ABCA2: variants seen among roughly 807,000 people sequenced by gnomAD.
ABCA2 encodes ATP-binding cassette sub-family A member 2.
ABCA2 carries 84 observed loss-of-function variants against 262.8 expected under a neutral mutation model. That is an observed-to-expected ratio of 0.32 (90% CI 0.27 to 0.38). The LOEUF is 0.38. Ranked by LOEUF, ABCA2 falls within the 10% of genes least tolerant of loss-of-function variation. The probability of loss-of-function intolerance (pLI) is 1.00; values close to 1 mark genes in which losing one functional copy is unlikely to be tolerated. For missense variants in ABCA2, 2,662 were observed against 3,405.9 expected (o/e 0.78, Z 5.44); for synonymous variants, 1,696 against 1,502.9 (o/e 1.13, Z -2.97).
upstream of ABCA2, chr9:137,028,620 G>A (rs139587169): frequency 4.4e-5 from 48 of 1,086,352 alleles, 1 homozygote; most frequent in African/African-American, 5.4e-4. The surrounding 1 kb of genome is among the most constrained non-coding windows in gnomAD (Gnocchi z 6.9). Flanking sequence ...CTGTCCCCGG[G>A]GCGCGCCGAG....
intron 28 of ABCA2, 43 bp downstream of exon 28, chr9:137,013,789 G>A (rs946229015): frequency 1.9e-6 from 3 of 1,557,080 alleles, no homozygotes; most frequent in South Asian, 1.2e-5. Context: ...AGCGGGCGGT[G>A]GGGGGAGGCA....
Position 137,018,207 on chromosome 9 carries a change from T to C in ABCA2, c.1964A>G (p.Tyr655Cys). Residue 655 changes from tyrosine (Y) to cysteine (C), a missense_variant, in exon 14 of 49, where the codon TAC (tyrosine) becomes TGC (cysteine). Physicochemically the swap from Tyr to Cys is radical, Grantham distance 194 (BLOSUM62 -2). This residue lies in a region of ABCA2 where 187 missense variants were observed against 205.9 expected (regional missense o/e 0.91). Coordinates refer to ENST00000341511, the MANE Select transcript of ABCA2 (RefSeq NM_001606.5). ...RPGPNTGGRFYFLYGFVWIQD... is the reference protein window; with the variant it reads ...RPGPNTGGRFCFLYGFVWIQD... ...GATCCAGACGAAGCCGTAGAGGAAG[T>C]AGAAGCGGCCGCCAGTATTGGGCCC... 1 of 1,610,640 alleles carries C rather than the reference T, an allele frequency of 6.2e-7. No individual in the cohort carries two copies. Among genetic ancestry groups the C allele is most frequent in the South Asian group, 1.1e-5 (1 of 91,004 alleles).
intron 2 of ABCA2, 104 bp from the exon 3 acceptor site, chr9:137,023,944 A>G (rs1454738095): frequency 3.5e-6 from 5 of 1,411,280 alleles, no homozygotes; most frequent in African/African-American, 1.4e-5. Context: ...AGGCGTTGGC[A>G]TCATCATTCG....
rs781096136 is a variant in ABCA2, at chr9:137,014,148, C to T, written c.4240+20G>A. Reference sequence around the variant, plus strand: ...TGCTCCCCCTCCCTTGCTGTCCCAGCCTCACCCTGCCACCCCCACCTTGCA... The same window carrying T: ...TGCTCCCCCTCCCTTGCTGTCCCAGTCTCACCCTGCCACCCCCACCTTGCA... On this transcript the variant is annotated intron_variant, in intron 27 of 48. Coordinates refer to ENST00000341511, the MANE Select transcript of ABCA2 (RefSeq NM_001606.5). 7 of 1,601,568 alleles carry T rather than the reference C, an allele frequency of 4.4e-6. No homozygotes were observed. Among genetic ancestry groups the T allele is most frequent in the Admixed American group, 1.7e-5 (1 of 58,844 alleles).
At position 137,010,104 on chromosome 9, in the gene ABCA2, T is replaced by C; in HGVS notation, c.6374A>G (p.Gln2125Arg). The part of the protein sequence containing the change: ...NGHSVLKELL[Q>R]VQQSLGYCPQ... ...GCAGTAGCCGAGGCTCTGCTGCACCTGGAGCAGCTCCTTCAGCACGCTGGG... is the reference window on the plus strand; with the variant it reads ...GCAGTAGCCGAGGCTCTGCTGCACCCGGAGCAGCTCCTTCAGCACGCTGGG... Residue 2125 changes from glutamine to arginine, a missense_variant, in exon 42 of 49, where the codon CAG (glutamine) becomes CGG (arginine). This residue lies in a region of ABCA2 where 602 missense variants were observed against 897.4 expected (regional missense o/e 0.67). Coordinates refer to ENST00000341511, the MANE Select transcript of ABCA2 (RefSeq NM_001606.5). 1 of 1,596,554 alleles carries C rather than the reference T, an allele frequency of 6.3e-7. No homozygotes were observed. The highest frequency in any genetic ancestry group is 8.5e-7 in the Non-Finnish European group (1 of 1,176,718).
rs758432677 is a variant in ABCA2, at chr9:137,016,890, C to T, written c.2758+30G>A. ...CAACCCTGGCTGGGGACCCCTGCCT[C>T]TCCCCTGCCCTCCAAGGGCTGGCCA... On this transcript the variant is annotated intron_variant, in intron 19 of 48. Transcript: ENST00000341511. 3 of 1,604,800 alleles carry T rather than the reference C, an allele frequency of 1.9e-6. No individual in the cohort carries two copies. In the African/African-American group the frequency reaches 4.0e-5, roughly 21 times the overall value.
At position 137,020,962 on chromosome 9, in the gene ABCA2, C is replaced by A. The variant is rs1372281227; in HGVS notation, c.997G>T (p.Val333Phe). 1.3e-5 allele frequency: 21 copies of A among 1,556,830 alleles called. No individual in the cohort carries two copies. The highest frequency in any genetic ancestry group is 1.1e-4 in the African/African-American group (8 of 73,764). Residue 333 changes from valine (V) to phenylalanine (F), a missense_variant, in exon 9 of 49, where the codon GTT becomes TTT. By Grantham distance (50) the Val-to-Phe change is conservative (BLOSUM62 -1). Transcript: ENST00000341511. ...LLGDLLDAQK[V>F]LQDVDVLSAL... is the part of the protein sequence containing the mutation. ...GACAGGACATCCACATCCTGCAGAA[C>A]CTTCTGGGCATCCAGCAGGTCCCCC...
rs1406500365 is a variant in ABCA2 at position 137,021,943 on chromosome 9, T to A, written c.626A>T (p.Lys209Met). The stretch of plus-strand genomic sequence containing the variant: ...TAGGCGGCTCCAGGGCTCCTGACCC[T>A]TGTGGAGGCCAGACTGTGAATCCAG... ...SALDSQSGLH[K>M]GQEPWSRLGG... Residue 209 changes from lysine to methionine, a missense_variant, in exon 7 of 49, where the codon AAG (lysine) becomes ATG (methionine). By Grantham distance (95) the Lys-to-Met change is moderately conservative. Transcript: ENST00000341511. This position sits in a 1 kb window ranked among gnomAD's most constrained non-coding sequence, Gnocchi z 6.0. 1.2e-6 allele frequency: 2 copies of A among 1,605,798 alleles called. No individual in the cohort carries two copies. The highest frequency in any genetic ancestry group is 4.5e-5 in the East Asian group (2 of 44,616).
chr9:137,022,238 TTCAGACGGTCTGGGCGTGAC>T, intron 6 of ABCA2, 93 bp downstream of exon 6: 1 of 1,345,260 alleles, frequency 7.4e-7, no homozygotes, highest in Non-Finnish European at 9.7e-7. Flanking sequence ...GGGGGCAAGG[TTCAGACGGTCTGGGCGTGAC>T]TCAGGCTGAG....
At position 137,010,132 on chromosome 9, in the gene ABCA2, C is replaced by A. The variant is rs1830981186; in HGVS notation, c.6354-8G>T. On this transcript the variant is annotated splice_polypyrimidine_tract_variant and splice_region_variant and intron_variant, in intron 41 of 48. Coordinates refer to ENST00000341511, the MANE Select transcript of ABCA2 (RefSeq NM_001606.5). The stretch of plus-strand genomic sequence containing the variant: ...AGCAGCTCCTTCAGCACGCTGGGGA[C>A]ACGGCAGCTGTCAGCGCGTGAGGAC... 2 of 1,591,680 alleles carry A rather than the reference C, an allele frequency of 1.3e-6. No homozygotes were observed. Among genetic ancestry groups the A allele is most frequent in the African/African-American group, 2.7e-5 (2 of 74,736 alleles).
In ABCA2 at chr9:137,021,768, AC is replaced by A. The variant is rs765350085; in HGVS notation, c.678+122del. 19 of 1,242,134 alleles carry A rather than the reference AC, an allele frequency of 1.5e-5. No individual in the cohort carries two copies. Among genetic ancestry groups the A allele is most frequent in the Non-Finnish European group, 1.8e-5 (16 of 880,988 alleles). 76.9% of individuals were successfully genotyped at this position (1,242,134 alleles called of 1,614,324 possible). ...CTCATGCCTGCCATAGACCCCTGGG[AC>A]CCTCCCCCTCTCCCAGGAGGAGCTC... On this transcript the variant is annotated intron_variant, in intron 7 of 48. Coordinates refer to ENST00000341511, the MANE Select transcript of ABCA2 (RefSeq NM_001606.5). The surrounding 1 kb of genome is among the most constrained non-coding windows in gnomAD (Gnocchi z 6.0).
chr9:137,020,889 G>T lies in ABCA2; in HGVS notation c.1070C>A (p.Pro357His). Residue 357 changes from proline to histidine, a missense_variant, in exon 9 of 49, where the codon CCC (proline) becomes CAC (histidine). By Grantham distance (77) the Pro-to-His change is moderately conservative. Around this residue, in one of 12 missense-constraint regions of ABCA2, gnomAD observed 403 missense variants for 375.9 expected, o/e 1.07. Transcript: ENST00000341511. ...ACCCGCACCACTGGCTGGGGGTCCG[G>T]GGGTCCGGCCAGTGCAGGCACCCTG... The part of the protein sequence containing the change: ...LPQGACTGRT[P>H]GPPASGAGGA... 6.4e-7 allele frequency: 1 copy of T among 1,551,552 alleles called. No homozygotes were observed. The highest frequency in any genetic ancestry group is 8.7e-7 in the Non-Finnish European group (1 of 1,147,256).
intron 29 of ABCA2, 31 bp from the exon 30 acceptor site, chr9:137,013,349 G>T (rs1831136997): frequency 1.3e-6 from 2 of 1,527,544 alleles, no homozygotes; most frequent in South Asian, 2.4e-5. Flanking sequence ...AGGTGGGGCT[G>T]CCAGTCTCCG....
upstream of ABCA2, chr9:137,028,351 T>C: frequency 1.2e-6 from 1 of 842,142 alleles, no homozygotes. The surrounding 1 kb of genome is among the most constrained non-coding windows in gnomAD (Gnocchi z 6.9). Flanking sequence ...GGCGCCGCGC[T>C]CCGTCCGCGC....
rs375709058 is a variant in ABCA2 at position 137,021,557 on chromosome 9, C to T, written c.732G>A (p.Ser244=). The T allele has an allele frequency of 3.6e-4, 575 of 1,582,154 alleles. No individual in the cohort carries two copies. Among genetic ancestry groups the T allele is most frequent in the Non-Finnish European group, 4.6e-4 (541 of 1,165,140 alleles). The stretch of plus-strand genomic sequence containing the variant: ...CAGTGAGGATCCGGCCCAGCTCCCC[C>T]GAGCCCGGCGTGCAGGTGAGCTGCT... ...LLEQLTCTPG[S]GELGRILTVP... The change falls in exon 8 of 49, where the codon TCG becomes TCA. Residue 244 remains serine, a synonymous_variant. Transcript: ENST00000341511. This position sits in a 1 kb window ranked among gnomAD's most constrained non-coding sequence, Gnocchi z 6.0.
intron 3 of ABCA2, chr9:137,023,566 C>A (rs1831550908): frequency 2.7e-6 from 2 of 748,554 alleles, no homozygotes; most frequent in Non-Finnish European, 2.4e-6. Flanking sequence ...AGCCGAGGCA[C>A]CCCAGCCCTA....
At position 137,009,554 on chromosome 9, in the gene ABCA2, G is replaced by C. The variant is rs1830959617; in HGVS notation, c.6721C>G (p.Leu2241Val). The change falls in exon 44 of 49, where the codon CTG becomes GTG. Residue 2241 changes from leucine (L) to valine (V), a missense_variant. Physicochemically the swap from Leu to Val is conservative, Grantham distance 32. Around this residue, in one of 12 missense-constraint regions of ABCA2, gnomAD observed 602 missense variants for 897.4 expected, o/e 0.67. Coordinates refer to ENST00000341511, the MANE Select transcript of ABCA2 (RefSeq NM_001606.5). Reference protein sequence around the residue: ...DLIKTGRSVVLTSHSMEECEA... With the variant: ...DLIKTGRSVVVTSHSMEECEA... ...GGGCGCCCTCACCTGTGTGATGTCA[G>C]CACCACTGAACGCCCTGTCTTGATG... 2 of 1,612,822 alleles carry C rather than the reference G, an allele frequency of 1.2e-6. No individual in the cohort carries two copies. The highest frequency in any genetic ancestry group is 1.7e-6 in the Non-Finnish European group (2 of 1,179,916).
chr9:137,011,362 GC>G lies in ABCA2; in HGVS notation c.5799+44del. 1 of 1,605,956 alleles carries G rather than the reference GC, an allele frequency of 6.2e-7. No homozygotes were observed. The highest frequency in any genetic ancestry group is 1.7e-4 in the Middle Eastern group (1 of 6,042). On this transcript the variant is annotated intron_variant, in intron 37 of 48. Coordinates refer to ENST00000341511, the MANE Select transcript of ABCA2 (RefSeq NM_001606.5). The surrounding 1 kb of genome is among the most constrained non-coding windows in gnomAD (Gnocchi z 8.8). ...AGGGGTGGCCGGGGTGAGGGGCACAGCCTCCGCAGGGTCCGCCACCCCCACC... is the reference window on the plus strand; with the variant it reads ...AGGGGTGGCCGGGGTGAGGGGCACAGCTCCGCAGGGTCCGCCACCCCCACC...
chr9:137,014,009 C>G lies in ABCA2; in HGVS notation c.4270G>C (p.Gly1424Arg). The G allele has an allele frequency of 6.2e-7, 1 of 1,611,702 alleles. No homozygotes were observed. The highest frequency in any genetic ancestry group is 8.5e-7 in the Non-Finnish European group (1 of 1,179,838). The change falls in exon 28 of 49, where the codon GGC becomes CGC. Residue 1424 changes from glycine to arginine, a missense_variant. Gly to Arg is a moderately radical substitution (Grantham distance 125, BLOSUM62 -2). Transcript: ENST00000341511. ...EVEAEALSRV[G>R]QGSRKLDGGW... ...CCGTCCAGCTTGCGGCTGCCCTGGC[C>G]GACCCTCGACAGGGCCTCTGCCTCC...
Sources: allele counts gnomAD v4.1 joint callset, GRCh38; gene constraint gnomAD v4.1.1; regional missense constraint gnomAD v4.1.1; non-coding constraint Gnocchi (gnomAD v3.1); transcripts MANE v1.5; gene names NCBI Gene and HGNC (gene_info 2026-07-23, HGNC 2026-07-21).